CDKAL1: variants seen among roughly 807,000 people sequenced by gnomAD.
CDKAL1 encodes the protein threonylcarbamoyladenosine tRNA methylthiotransferase.
CDKAL1 carries 32 observed loss-of-function variants against 68.2 expected under a neutral mutation model. The observed-to-expected ratio is 0.47, with a 90% CI of 0.35 to 0.63. The LOEUF (loss-of-function observed/expected upper bound fraction) is 0.63, where lower values mean the gene tolerates loss of function less well. CDKAL1 is among the 30% of genes least tolerant of loss of function. CDKAL1 has a pLI of 0.00. For synonymous variants in CDKAL1, 234 were observed against 244.3 expected (o/e 0.96, Z 0.39); for missense variants, 606 against 696.7 (o/e 0.87, Z 1.47).
intron 9 of CDKAL1, among the ~76,000 whole-genome samples, chr6:20,869,176 T>C (rs1306188862): frequency 6.6e-6 from 1 of 152,218 alleles, no homozygotes; most frequent in East Asian, 1.9e-4. Context: ...TATGATGTAA[T>C]TCACAATCTC....
At chr6:20,914,009 G>T (rs571559218) in intron 9 of CDKAL1, among the ~76,000 whole-genome samples, 13 of 151,984 alleles carry the variant, frequency 8.6e-5, no homozygotes, top group African/African-American at 3.1e-4. Flanking sequence ...AAAACAACAG[G>T]CTGGGCATGG....
At chr6:21,076,950 A>T (rs1290635554) in intron 12 of CDKAL1, among the ~76,000 whole-genome samples, 5 of 152,044 alleles carry the variant, frequency 3.3e-5, no homozygotes, top group Non-Finnish European at 5.9e-5. Flanking sequence ...TTTTATAATG[A>T]CTCTATACTA....
chr6:20,763,984 A>G (rs937518612), intron 7 of CDKAL1, among the ~76,000 whole-genome samples: 18 of 152,214 alleles, frequency 1.2e-4, no homozygotes, highest in African/African-American at 4.1e-4. Context: ...ATGTAAGGAA[A>G]GAAATACAGC....
chr6:20,649,699 A>G (rs144653289), intron 5 of CDKAL1, among the ~76,000 whole-genome samples: 7 of 152,208 alleles, frequency 4.6e-5, no homozygotes, highest in Admixed American at 2.6e-4. Context: ...TGCATTAGCT[A>G]TTTATCCTGA....
At chr6:20,926,481 T>C (rs1763194353) in intron 9 of CDKAL1, among the ~76,000 whole-genome samples, 1 of 151,742 alleles carries the variant, frequency 6.6e-6, no homozygotes. Context: ...AGATTAGGAG[T>C]TACAAGGAGA....
intron 4 of CDKAL1, among the ~76,000 whole-genome samples, chr6:20,574,078 C>A (rs189467651): frequency 1.3e-5 from 2 of 152,126 alleles, no homozygotes; most frequent in African/African-American, 4.8e-5. Flanking sequence ...ATTATATGAA[C>A]ATATTCGTTA....
chr6:20,549,578 TTATATTTATTTA>T (rs1442059694), intron 4 of CDKAL1, among the ~76,000 whole-genome samples: 2 of 118,256 alleles, frequency 1.7e-5, no homozygotes, highest in African/African-American at 6.2e-5. Flanking sequence ...TTCTTTACAT[TTATATTTATTTA>T]TTTATTTATT....
intron 8 of CDKAL1, among the ~76,000 whole-genome samples, chr6:20,838,248 A>G (rs1396469432): frequency 2.0e-5 from 3 of 152,178 alleles, no homozygotes; most frequent in African/African-American, 7.2e-5. Context: ...ATCTCCTACT[A>G]TGGTAGGAAG....
At chr6:20,941,511 T>C (rs1287734510) in intron 9 of CDKAL1, among the ~76,000 whole-genome samples, 2 of 152,238 alleles carry the variant, frequency 1.3e-5, no homozygotes, top group Admixed American at 6.5e-5. Context: ...TAAAGAGTTT[T>C]GGCATTTCAA....
At chr6:20,725,790 A>G (rs948017664) in intron 5 of CDKAL1, among the ~76,000 whole-genome samples, 26 of 151,058 alleles carry the variant, frequency 1.7e-4, no homozygotes, top group Non-Finnish European at 3.4e-4. Flanking sequence ...GTCTAAAAAA[A>G]AAAAAAAAAA....
chr6:21,129,661 T>C (rs1035442500), intron 13 of CDKAL1, among the ~76,000 whole-genome samples: 4 of 110,270 alleles, frequency 3.6e-5, no homozygotes, highest in African/African-American at 1.5e-4. Context: ...TAGGAGACTA[T>C]ACATTCTGAC....
chr6:21,223,535 T>C (rs1030411178), intron 15 of CDKAL1, among the ~76,000 whole-genome samples: 10 of 152,162 alleles, frequency 6.6e-5, no homozygotes, highest in Non-Finnish European at 1.3e-4. Context: ...TTACAACTTA[T>C]CAATATTTTG....
At chr6:20,854,920 G>T (rs758685796) in intron 9 of CDKAL1, among the ~76,000 whole-genome samples, 16 of 152,214 alleles carry the variant, frequency 1.1e-4, no homozygotes, top group Non-Finnish European at 2.1e-4. Context: ...ACACAGGAAA[G>T]TTGGCCATAA....
intron 9 of CDKAL1, among the ~76,000 whole-genome samples, chr6:20,939,553 A>G (rs1377277386): frequency 5.3e-5 from 8 of 152,220 alleles, no homozygotes; most frequent in Admixed American, 5.2e-4. Flanking sequence ...TAACCAGGGC[A>G]CTTATGAAAG....
chr6:20,763,009 T>C (rs1774537277), intron 7 of CDKAL1, among the ~76,000 whole-genome samples: 2 of 152,214 alleles, frequency 1.3e-5, no homozygotes, highest in South Asian at 4.1e-4. Flanking sequence ...CACTGTGCTT[T>C]ACATTTACTT....
At position 20,846,170 on chromosome 6, in the gene CDKAL1, C is replaced by A. The variant is rs768321729; in HGVS notation, c.734C>A (p.Ser245Tyr). The A allele has an allele frequency of 1.9e-6, 3 of 1,591,470 alleles. No homozygotes were observed. Among genetic ancestry groups the A allele is most frequent in the Admixed American group, 1.7e-5 (1 of 59,276 alleles). Residue 245 changes from serine to tyrosine, a missense_variant, in exon 9 of 16, where the codon TCT (serine) becomes TAT (tyrosine). Physicochemically the swap from Ser to Tyr is moderately radical, Grantham distance 144. Coordinates refer to ENST00000274695, the MANE Select transcript of CDKAL1 (RefSeq NM_017774.3). The part of the protein sequence containing the change: ...IDELVDRAKQ[S>Y]FQEGVCEIWL... ...GAACTAGTAGATAGAGCCAAACAAT[C>A]TTTTCAAGGTAAGAGTTTCTAGAAT...
At chr6:21,027,695 T>C (rs1413981586) in intron 11 of CDKAL1, among the ~76,000 whole-genome samples, 1 of 152,178 alleles carries the variant, frequency 6.6e-6, no homozygotes, top group Admixed American at 6.5e-5. Flanking sequence ...CCCTCACAGA[T>C]GTGAACGCCA....
At chr6:20,773,657 C>G (rs966444704) in intron 7 of CDKAL1, among the ~76,000 whole-genome samples, 1 of 151,264 alleles carries the variant, frequency 6.6e-6, no homozygotes, top group East Asian at 1.9e-4. Flanking sequence ...ACGCCATTCT[C>G]CTGCCTCAGC....
intron 9 of CDKAL1, among the ~76,000 whole-genome samples, chr6:20,949,509 T>C (rs139384381): frequency 1.2e-3 from 178 of 152,322 alleles, no homozygotes; most frequent in African/African-American, 4.1e-3. Flanking sequence ...AGCTGAAATA[T>C]ACTTAATCTG....
Sources: allele counts gnomAD v4.1 joint callset (sites outside exome capture counted in the v4.1 genomes callset), GRCh38; gene constraint gnomAD v4.1.1; transcripts MANE v1.5; gene names NCBI Gene and HGNC (gene_info 2026-07-23, HGNC 2026-07-21).